Variants in SHC3 observed in about 807,000 individuals in gnomAD.
The protein encoded by SHC3 is SHC-transforming protein 3.
SHC3 carries 15 observed loss-of-function variants against 60.4 expected under a neutral mutation model. The observed-to-expected ratio is 0.25, with a 90% confidence interval of 0.17 to 0.38. The LOEUF is 0.38. SHC3 is among the 10% of genes least tolerant of loss of function. The probability of loss-of-function intolerance (pLI) is 1.00; values close to 1 mark genes in which losing one functional copy is unlikely to be tolerated. For synonymous variants in SHC3, 294 were observed against 325.9 expected, an observed-to-expected ratio of 0.90 and a Z score of 1.05; for missense variants, 677 against 786.1, an observed-to-expected ratio of 0.86 and a Z score of 1.66.
intron 1 of SHC3, among the ~76,000 whole-genome samples, chr9:89,135,980 C>G (rs557354271): frequency 1.3e-5 from 2 of 152,158 alleles, no homozygotes; most frequent in African/African-American, 4.8e-5. Context: ...GATAAGCTTA[C>G]GCAATATTCT....
chr9:89,029,532 T>G (rs146960126), intron 11 of SHC3, among the ~76,000 whole-genome samples: 2,101 of 152,146 alleles, frequency 0.014, 25 homozygotes, highest in Middle Eastern at 0.031. Flanking sequence ...GAAAGGCACT[T>G]AAGGAAGCAG....
At chr9:89,115,534 C>T (rs1336506732) in intron 1 of SHC3, among the ~76,000 whole-genome samples, 1 of 152,076 alleles carries the variant, frequency 6.6e-6, no homozygotes, top group Admixed American at 6.6e-5. Context: ...ATGTAAATAC[C>T]ATCATCAGCA....
At position 89,178,573 on chromosome 9, in the gene SHC3, G is replaced by A; in HGVS notation, c.-113C>T. On this transcript the variant is annotated 5_prime_UTR_variant, in exon 1 of 12. Transcript: ENST00000375835. The surrounding 1 kb of genome is among the most constrained non-coding windows in gnomAD (Gnocchi z 6.9). ...CCCCGGAGCGGGACGGAGAGTGGGG[G>A]CCCCGGGACAGCCTTCTGGAGAACG... 1.0e-6 allele frequency: 1 copy of A among 985,284 alleles called. No individual in the cohort carries two copies. Among genetic ancestry groups the A allele is most frequent in the Non-Finnish European group, 1.4e-6 (1 of 710,950 alleles). 61.0% of individuals were successfully genotyped at this position (985,284 alleles called of 1,614,324 possible).
intron 2 of SHC3, among the ~76,000 whole-genome samples, chr9:89,103,622 C>T (rs549921173): frequency 2.0e-5 from 3 of 152,164 alleles, no homozygotes; most frequent in Non-Finnish European, 2.9e-5. Flanking sequence ...ATTATCAATA[C>T]GGAGAGCATA....
intron 6 of SHC3, among the ~76,000 whole-genome samples, chr9:89,053,130 C>T (rs1311838961): frequency 6.6e-6 from 1 of 152,214 alleles, no homozygotes; most frequent in Non-Finnish European, 1.5e-5. Context: ...AGGGCTGTCG[C>T]CATGAGGAGC....
chr9:89,060,623 G>A (rs1048089952), intron 6 of SHC3, among the ~76,000 whole-genome samples: 1 of 152,028 alleles, frequency 6.6e-6, no homozygotes, highest in Admixed American at 6.5e-5. Context: ...GAGACGGGAT[G>A]GAGTGGGAGT....
chr9:89,058,026 G>A (rs1356841754), intron 6 of SHC3, among the ~76,000 whole-genome samples: 1 of 152,242 alleles, frequency 6.6e-6, no homozygotes, highest in East Asian at 1.9e-4. Flanking sequence ...GCCACAAGAA[G>A]CTGGAAGGAG....
chr9:89,058,285 CGGTGGTGGAGGATGCAGTGGAGGAT>C (rs1824989012), intron 6 of SHC3, among the ~76,000 whole-genome samples: 1 of 134,150 alleles, frequency 7.5e-6, no homozygotes, highest in Admixed American at 7.4e-5. Flanking sequence ...TGGTGGAGGA[CGGTGGTGGAGGATGCAGTGGAGGAT>C]GGTGGTGGAG....
intron 6 of SHC3, among the ~76,000 whole-genome samples, chr9:89,057,218 G>A (rs1347169032): frequency 6.6e-6 from 1 of 152,048 alleles, no homozygotes; most frequent in Non-Finnish European, 1.5e-5. Context: ...AATTCTACCA[G>A]AGAGACGAGG....
At chr9:89,040,747 C>T (rs111269972) in intron 10 of SHC3, among the ~76,000 whole-genome samples, 247 of 152,330 alleles carry the variant, frequency 1.6e-3, no homozygotes, top group African/African-American at 5.6e-3. Context: ...ATTAGGTGAT[C>T]TAGCATTGAA....
chr9:89,108,412 T>A (rs1302279197), intron 2 of SHC3, among the ~76,000 whole-genome samples: 1 of 151,620 alleles, frequency 6.6e-6, no homozygotes, highest in Admixed American at 6.6e-5. Flanking sequence ...TCCCAGCTAC[T>A]CAGGAGGCTG....
At chr9:89,058,355 GTAGGACGTGGTGGAGGATGGTGGCA>G (rs1564107456) in intron 6 of SHC3, among the ~76,000 whole-genome samples, 3 of 150,764 alleles carry the variant, frequency 2.0e-5, no homozygotes, top group South Asian at 2.1e-4. Flanking sequence ...GGATGGTGGC[GTAGGACGTGGTGGAGGATGGTGGCA>G]TAGGATGTGG....
At chr9:89,052,189 A>C (rs766910844) in intron 6 of SHC3, 26 bp from the exon 7 acceptor site, 2 of 1,611,960 alleles carry the variant, frequency 1.2e-6, no homozygotes, top group Non-Finnish European at 1.7e-6. Flanking sequence ...ACATGGGCCT[A>C]TTAGAGACAG....
At chr9:89,055,936 G>A (rs953236419) in intron 6 of SHC3, among the ~76,000 whole-genome samples, 1 of 152,152 alleles carries the variant, frequency 6.6e-6, no homozygotes, top group Non-Finnish European at 1.5e-5. Context: ...TCTTTTAAAA[G>A]ATATCTTTTG....
At chr9:89,028,037 GA>G (rs1470906060) in intron 11 of SHC3, among the ~76,000 whole-genome samples, 1 of 152,226 alleles carries the variant, frequency 6.6e-6, no homozygotes, top group East Asian at 1.9e-4. Context: ...TGCCTGGGGA[GA>G]ATTAAGGCAG....
chr9:89,024,840 A>G (rs1191584179), intron 11 of SHC3, among the ~76,000 whole-genome samples: 4 of 152,158 alleles, frequency 2.6e-5, no homozygotes, highest in Non-Finnish European at 4.4e-5. Context: ...GTGGGTCAGG[A>G]GGAAGAGGCA....
chr9:89,111,117 G>A (rs1161281287), intron 2 of SHC3, among the ~76,000 whole-genome samples: 1 of 152,196 alleles, frequency 6.6e-6, no homozygotes, highest in Non-Finnish European at 1.5e-5. Flanking sequence ...GTTGTCCAGT[G>A]TGTTGTGTGT....
At chr9:89,024,655 C>A (rs76774780) in intron 11 of SHC3, among the ~76,000 whole-genome samples, 5 of 152,210 alleles carry the variant, frequency 3.3e-5, no homozygotes, top group African/African-American at 1.2e-4. Context: ...GTAGTTAGTA[C>A]AGTGCGTGGC....
At chr9:89,097,612 C>A (rs368099412) in intron 2 of SHC3, among the ~76,000 whole-genome samples, 1 of 152,194 alleles carries the variant, frequency 6.6e-6, no homozygotes, top group Non-Finnish European at 1.5e-5. Context: ...CATTTTTAGT[C>A]ATTCCCCTGG....
Sources: allele counts gnomAD v4.1 joint callset (sites outside exome capture counted in the v4.1 genomes callset), GRCh38; gene constraint gnomAD v4.1.1; non-coding constraint Gnocchi (gnomAD v3.1); transcripts MANE v1.5; gene names NCBI Gene and HGNC (gene_info 2026-07-23, HGNC 2026-07-21).